SLC35F4: variants seen among roughly 807,000 people sequenced by gnomAD.
SLC35F4 encodes the protein solute carrier family 35 member F4, also known as chromosome 14 open reading frame 36.
Under a neutral mutation model 44.2 loss-of-function variants are expected in SLC35F4, and 24 were observed. That is an observed-to-expected ratio of 0.54 (90% CI 0.39 to 0.76). The LOEUF (loss-of-function observed/expected upper bound fraction) is 0.76. SLC35F4 is among the 30% of genes least tolerant of loss of function. The pLI, the probability that SLC35F4 is intolerant of heterozygous loss-of-function variation, is 0.00. For synonymous variants in SLC35F4, 238 were observed against 223.6 expected, an observed-to-expected ratio of 1.06 and a Z score of -0.57; for missense variants, 562 against 586.1, an observed-to-expected ratio of 0.96 and a Z score of 0.42.
chr14:57,580,797 T>C (rs1290537302), intron 4 of SLC35F4, among the ~76,000 whole-genome samples: 1 of 152,112 alleles, frequency 6.6e-6, no homozygotes, highest in Non-Finnish European at 1.5e-5. Flanking sequence ...ACACCAATAT[T>C]AATTAAGTCC....
At position 57,882,410 on chromosome 14, in the gene SLC35F4, GCA is replaced by G. The variant is rs1349868708; in HGVS notation, n.282+99501_282+99502del. 2.0e-5 allele frequency among the ~76,000 whole-genome samples: 3 copies of G among 152,232 alleles called. No homozygotes were observed. In the East Asian group the frequency reaches 5.8e-4, roughly 29 times the overall value. On this transcript the variant is annotated intron_variant and non_coding_transcript_variant, in intron 1 of 1. Transcript: ENST00000556568. ...GAATCAACACACCTGTCCTAGCTTT[GCA>G]CTCCTACTTCTGTCTCATTTCACTA...
intron 1 of SLC35F4, among the ~76,000 whole-genome samples, chr14:57,727,039 G>A (rs867451272): frequency 6.6e-6 from 1 of 152,104 alleles, no homozygotes; most frequent in South Asian, 2.1e-4. Flanking sequence ...GACTTGGACT[G>A]GCTCTCCTTG....
rs537925273 is a variant in SLC35F4, at chr14:57,835,488, T to C, written c.103+30235A>G. The stretch of plus-strand genomic sequence containing the variant: ...CTCCTAAAAAGCAACAAATGACTGA[T>C]TTGCTTTTCACATCCTCTCCCTTCT... On this transcript the variant is annotated intron_variant, in intron 1 of 7. Coordinates refer to ENST00000556826, the MANE Select transcript of SLC35F4 (RefSeq NM_001306087.2). 2.6e-5 allele frequency among the ~76,000 whole-genome samples: 4 copies of C among 152,276 alleles called. No individual in the cohort carries two copies. In the South Asian group the frequency reaches 6.2e-4, roughly 24 times the overall value.
At chr14:57,729,252 G>A (rs185311472) in intron 1 of SLC35F4, among the ~76,000 whole-genome samples, 3 of 152,110 alleles carry the variant, frequency 2.0e-5, no homozygotes, top group Non-Finnish European at 2.9e-5. Context: ...GCTGGTATTT[G>A]GAGTACAAGA....
In SLC35F4 at chr14:57,939,224, G is replaced by A. The variant is rs1053486346; in HGVS notation, n.282+42689C>T. Among the ~76,000 whole-genome samples, 11 of 152,256 alleles carry A rather than the reference G, an allele frequency of 7.2e-5. No homozygotes were observed. In the East Asian group the frequency reaches 1.9e-3, roughly 27 times the overall value. On this transcript the variant is annotated intron_variant and non_coding_transcript_variant, in intron 1 of 1. Transcript: ENST00000556568. ...AATAGCTGAGATTCTGGCGTGGAAG[G>A]GATTCAGGGAGGATCTTCATAACAG... is the stretch of plus-strand genomic sequence containing the variant.
At chr14:57,602,594 A>C (rs1265507143) in intron 1 of SLC35F4, 1 of 152,226 alleles carries the variant, frequency 6.6e-6, no homozygotes, top group Non-Finnish European at 1.5e-5. Flanking sequence ...TGTTAAGAAC[A>C]TAAACAATGC....
chr14:57,664,198 A>G (rs2074232909), intron 1 of SLC35F4, among the ~76,000 whole-genome samples: 1 of 152,180 alleles, frequency 6.6e-6, no homozygotes, highest in Admixed American at 6.5e-5. Flanking sequence ...ACACACATCT[A>G]GGTCAGTCTG....
intron 1 of SLC35F4, among the ~76,000 whole-genome samples, chr14:57,716,504 A>G (rs1371973889): frequency 6.6e-6 from 1 of 152,078 alleles, no homozygotes; most frequent in Non-Finnish European, 1.5e-5. Context: ...AAGATGATTC[A>G]CTGTTTTAAT....
intron 1 of SLC35F4, among the ~76,000 whole-genome samples, chr14:57,842,118 A>G (rs1043411921): frequency 1.3e-5 from 2 of 152,222 alleles, no homozygotes; most frequent in Non-Finnish European, 1.5e-5. Context: ...GGATGGAAAA[A>G]TAACCATGTT....
rs577031647 is a variant in SLC35F4 at position 57,743,066 on chromosome 14, T to A, written c.103+122657A>T. 1.8e-4 allele frequency among the ~76,000 whole-genome samples: 27 copies of A among 152,194 alleles called. 1 individual carries two copies. The South Asian group carries it at 5.4e-3, about 30-fold the overall frequency. On this transcript the variant is annotated intron_variant, in intron 1 of 7. Coordinates refer to ENST00000556826, the MANE Select transcript of SLC35F4 (RefSeq NM_001306087.2). The stretch of plus-strand genomic sequence containing the variant: ...CATACCAGAATCTCTGGGACACATT[T>A]AAAGCAGTATGCAGAGGGAAATTTA...
chr14:57,969,046 A>G (rs1880973616), intron 1 of SLC35F4, among the ~76,000 whole-genome samples: 1 of 152,236 alleles, frequency 6.6e-6, no homozygotes, highest in Non-Finnish European at 1.5e-5. Context: ...AGAGGTCTTC[A>G]TGGATCACAG....
chr14:57,894,934 T>C (rs536612490), intron 1 of SLC35F4, among the ~76,000 whole-genome samples: 1 of 152,316 alleles, frequency 6.6e-6, no homozygotes, highest in African/African-American at 2.4e-5. Flanking sequence ...TGGTGATTTG[T>C]CTTCTCTTCA....
At chr14:57,601,540 C>A (rs2070825031) in intron 1 of SLC35F4, among the ~76,000 whole-genome samples, 1 of 152,068 alleles carries the variant, frequency 6.6e-6, no homozygotes, top group South Asian at 2.1e-4. Context: ...TTAGCTCCCA[C>A]TTATAAGAGA....
intron 1 of SLC35F4, chr14:57,799,268 C>G (rs1470439684): frequency 1.3e-5 from 2 of 152,472 alleles, no homozygotes; most frequent in African/African-American, 4.8e-5. Context: ...GGAAACCACG[C>G]TTCTCCCACA....
intron 1 of SLC35F4, among the ~76,000 whole-genome samples, chr14:57,863,888 A>G (rs78728879): frequency 0.068 from 10,423 of 152,296 alleles, 443 homozygotes; most frequent in Middle Eastern, 0.15. Context: ...AACCATGCCA[A>G]GTTAATCTTT....
intron 1 of SLC35F4, among the ~76,000 whole-genome samples, chr14:57,719,941 G>C (rs188917694): frequency 6.6e-6 from 1 of 152,084 alleles, no homozygotes; most frequent in African/African-American, 2.4e-5. Context: ...TAATAGCTGT[G>C]AGCCTGTCAT....
chr14:57,821,818 T>C (rs1399952391), intron 1 of SLC35F4, among the ~76,000 whole-genome samples: 1 of 152,158 alleles, frequency 6.6e-6, no homozygotes, highest in Non-Finnish European at 1.5e-5. Context: ...CACTAATAAA[T>C]ATGCTAGAAT....
chr14:57,911,301 G>A (rs1049035044), intron 1 of SLC35F4, among the ~76,000 whole-genome samples: 2 of 151,684 alleles, frequency 1.3e-5, no homozygotes, highest in African/African-American at 4.8e-5. Context: ...TATTGCATTA[G>A]CCAGAACTTC....
intron 1 of SLC35F4, among the ~76,000 whole-genome samples, chr14:57,747,356 G>T (rs895463404): frequency 1.3e-5 from 2 of 152,146 alleles, no homozygotes; most frequent in African/African-American, 2.4e-5. Flanking sequence ...GCCTACCTTT[G>T]CAATAAACAT....
Sources: allele counts gnomAD v4.1 joint callset (sites outside exome capture counted in the v4.1 genomes callset), GRCh38; gene constraint gnomAD v4.1.1; transcripts MANE v1.5; gene names NCBI Gene and HGNC (gene_info 2026-07-23, HGNC 2026-07-21).